The following PIEZO1 variants were observed in gnomAD, a reference collection of about 807,000 sequenced individuals.
The protein encoded by PIEZO1 is piezo type mechanosensitive ion channel component 1 (Er blood group).
PIEZO1 carries 296 observed loss-of-function variants against 297.2 expected under a neutral mutation model. The ratio of observed to expected loss-of-function variants is 1.00; its 90% CI spans 0.91 to 1.10. The LOEUF (loss-of-function observed/expected upper bound fraction) is 1.10, where lower values mean the gene tolerates loss of function less well. PIEZO1 is among the 50% of genes least tolerant of loss of function. PIEZO1 has a pLI of 0.00. For missense variants in PIEZO1, 5,018 were observed against 3,455.5 expected (o/e 1.45, Z -11.34); for synonymous variants, 2,427 against 1,507.5 (o/e 1.61, Z -14.13).
rs1270501557 is a variant in PIEZO1 at position 88,726,780 on chromosome 16, G to A, written c.3634C>T (p.Leu1212Phe). 1 of 1,550,262 alleles carries A rather than the reference G, an allele frequency of 6.5e-7. No individual in the cohort carries two copies. The highest frequency in any genetic ancestry group is 1.2e-5 in the South Asian group (1 of 84,064). ...ALLQRDTRAR[L>F]VLWDCLILYN... The stretch of plus-strand genomic sequence containing the variant: ...AGAATGAGGCAGTCCCACAGCACGA[G>A]GCGGGCCCGTGTGTCCCTCTGCAGC... Residue 1212 changes from leucine to phenylalanine, a missense_variant, in exon 25 of 51, where the codon CTC (leucine) becomes TTC (phenylalanine). Coordinates refer to ENST00000301015, the MANE Select transcript of PIEZO1 (RefSeq NM_001142864.4).
intron 1 of PIEZO1, among the ~76,000 whole-genome samples, chr16:88,768,926 G>C (rs1369047007): frequency 1.3e-5 from 2 of 152,218 alleles, no homozygotes; most frequent in Non-Finnish European, 2.9e-5. Context: ...ATGCACCTTG[G>C]CAAAGCAAGC....
chr16:88,744,641 G>A (rs1905920381), intron 2 of PIEZO1, among the ~76,000 whole-genome samples: 1 of 150,212 alleles, frequency 6.7e-6, no homozygotes, highest in Admixed American at 6.7e-5. Flanking sequence ...CTTCCCCATT[G>A]TCTTCCTCCC....
At position 88,717,049 on chromosome 16, in the gene PIEZO1, C is replaced by G; in HGVS notation, c.6634G>C (p.Val2212Leu). Residue 2212 changes from valine to leucine, a missense_variant, in exon 45 of 51, where the codon GTC becomes CTC. Coordinates refer to ENST00000301015, the MANE Select transcript of PIEZO1 (RefSeq NM_001142864.4). ...TCATAGCCGCCCAGCTTCAGGGTGA[C>G]GGTGACATCGATGGGCTGGTTGACA... ...GVVNQPIDVT[V>L]TLKLGGYEPL... is the part of the protein sequence containing the mutation. The G allele has an allele frequency of 6.4e-7, 1 of 1,550,714 alleles. No homozygotes were observed. Among genetic ancestry groups the G allele is most frequent in the East Asian group, 2.4e-5 (1 of 40,932 alleles).
At chr16:88,766,658 G>GC (rs1457488222) in intron 1 of PIEZO1, among the ~76,000 whole-genome samples, 1 of 152,188 alleles carries the variant, frequency 6.6e-6, no homozygotes, top group Non-Finnish European at 1.5e-5. Context: ...GACGCCGGGG[G>GC]CCCCCACACA....
chr16:88,745,767 A>AAAT, intron 2 of PIEZO1: 1 of 144,014 alleles, frequency 6.9e-6, no homozygotes, highest in South Asian at 2.4e-4. Flanking sequence ...AAAAAAAAAA[A>AAAT]GGGGCCGGGG....
At chr16:88,731,448 G>A (rs1334835905) in intron 22 of PIEZO1, 8 of 514,336 alleles carry the variant, frequency 1.6e-5, no homozygotes, top group Non-Finnish European at 2.8e-5. Context: ...CTTTCCTGAA[G>A]GTTTGAAATA....
chr16:88,752,941 G>T (rs571243506), intron 1 of PIEZO1, among the ~76,000 whole-genome samples: 1 of 151,756 alleles, frequency 6.6e-6, no homozygotes, highest in Non-Finnish European at 1.5e-5. Context: ...ACCAGGCAGC[G>T]GGCTTGGTCT....
At chr16:88,757,316 TGGCG>T (rs1178140976) in intron 1 of PIEZO1, among the ~76,000 whole-genome samples, 1 of 3,818 alleles carries the variant, frequency 2.6e-4, no homozygotes, top group South Asian at 8.1e-3. Flanking sequence ...GGGGCGTTGC[TGGCG>T]GGGGGGTGGG....
chr16:88,784,993 C>A lies in PIEZO1; in HGVS notation c.-29G>T. On this transcript the variant is annotated 5_prime_UTR_variant, in exon 1 of 51. Transcript: ENST00000301015. ...TGGAGGGCCCAGGGCCCGGCCCAGA[C>A]CGAGCGGACGCCGCGGCGCTATGGG... 2 of 1,227,530 alleles carry A rather than the reference C, an allele frequency of 1.6e-6. No homozygotes were observed. Among genetic ancestry groups the A allele is most frequent in the South Asian group, 3.0e-5 (1 of 33,726 alleles). 76.0% of individuals were successfully genotyped at this position (1,227,530 alleles called of 1,614,324 possible).
intron 2 of PIEZO1, among the ~76,000 whole-genome samples, chr16:88,746,771 C>A (rs553226652): frequency 6.6e-6 from 1 of 152,372 alleles, no homozygotes; most frequent in Admixed American, 6.5e-5. Flanking sequence ...CCTCCCCTGG[C>A]CTGGCTGGGC....
chr16:88,721,820 G>C lies in PIEZO1; in HGVS notation c.5202C>G (p.Ile1734Met), dbSNP rs375008898. 2 of 1,546,504 alleles carry C rather than the reference G, an allele frequency of 1.3e-6. No individual in the cohort carries two copies. The highest frequency in any genetic ancestry group is 4.9e-5 in the East Asian group (2 of 40,870). ...RPSKRFWMTAIVFTEIAVVVK... is the reference protein window; with the variant it reads ...RPSKRFWMTAMVFTEIAVVVK... The stretch of plus-strand genomic sequence containing the variant: ...GGCCTCGGCCCACCTCGGTGAAGAC[G>C]ATGGCCGTCATCCAGAAGCGCTTGC... The change falls in exon 37 of 51, where the codon ATC (isoleucine) becomes ATG (methionine). Residue 1734 changes from isoleucine to methionine, a missense_variant. Physicochemically the swap from Ile to Met is conservative, Grantham distance 10. Coordinates refer to ENST00000301015, the MANE Select transcript of PIEZO1 (RefSeq NM_001142864.4).
Position 88,726,413 on chromosome 16 carries a change from ACAGGCAG to A in PIEZO1, c.3832_3838del (p.Leu1278TrpfsTer41). The A allele has an allele frequency of 1.3e-6, 2 of 1,550,478 alleles. No individual in the cohort carries two copies. Among genetic ancestry groups the A allele is most frequent in the Non-Finnish European group, 1.7e-6 (2 of 1,146,900 alleles). ...GTCCCAGATGATGCCAGCCTCCTCCACAGGCAGCAGGCAGTCCTGGTCTCTGTCCATC... is the reference window on the plus strand; with the variant it reads ...GTCCCAGATGATGCCAGCCTCCTCCACAGGCAGTCCTGGTCTCTGTCCATC... On this transcript the variant is annotated frameshift_variant, in exon 27 of 51. Coordinates refer to ENST00000301015, the MANE Select transcript of PIEZO1 (RefSeq NM_001142864.4). LOFTEE classifies it high-confidence loss of function.
At position 88,722,011 on chromosome 16, in the gene PIEZO1, G is replaced by A. The variant is rs771035950; in HGVS notation, c.5011C>T (p.Arg1671Trp). Residue 1671 changes from arginine (R) to tryptophan (W), a missense_variant, in exon 37 of 51, where the codon CGG becomes TGG. By Grantham distance (101) the Arg-to-Trp change is moderately radical (BLOSUM62 -3). Coordinates refer to ENST00000301015, the MANE Select transcript of PIEZO1 (RefSeq NM_001142864.4). ...ACGGCCCGCAGCAGCCGCAGCGCCC[G>A]GCCCTGCCCCTCCGCAAACAGCTCT... The part of the protein sequence containing the change: ...EAELFAEGQG[R>W]ALRLLRAVYQ... 32 of 1,548,656 alleles carry A rather than the reference G, an allele frequency of 2.1e-5. No homozygotes were observed. The highest frequency in any genetic ancestry group is 4.9e-5 in the East Asian group (2 of 40,920).
chr16:88,715,847 C>T lies in PIEZO1; in HGVS notation c.7324G>A (p.Gly2442Arg), dbSNP rs1911973900. The stretch of plus-strand genomic sequence containing the variant: ...ACCAGCACGATGGACACGTACAGCC[C>T]CATGATGCTGCGGGGGAAGCTGGTG... Reference protein sequence around the residue: ...LGFLAGYGIMGLYVSIVLVIG... With the variant: ...LGFLAGYGIMRLYVSIVLVIG... The change falls in exon 51 of 51, where the codon GGG (glycine) becomes AGG (arginine). Residue 2442 changes from glycine (G) to arginine (R), a missense_variant. Transcript: ENST00000301015. 1 of 1,549,830 alleles carries T rather than the reference C, an allele frequency of 6.5e-7. No individual in the cohort carries two copies. The highest frequency in any genetic ancestry group is 8.7e-7 in the Non-Finnish European group (1 of 1,146,624).
chr16:88,727,745 A>G (rs749433507), intron 22 of PIEZO1, 84 bp from the exon 23 acceptor site: 2 of 608,818 alleles, frequency 3.3e-6, no homozygotes, highest in Non-Finnish European at 5.5e-6. Flanking sequence ...ACCCGAGTCT[A>G]TCACCAGCCC....
In PIEZO1 at chr16:88,742,352, G is replaced by T. The variant is rs768035394; in HGVS notation, c.231C>A (p.Leu77=). 14 of 1,535,378 alleles carry T rather than the reference G, an allele frequency of 9.1e-6. No individual in the cohort carries two copies. The South Asian group carries it at 1.5e-4, about 17-fold the overall frequency. ...GGGGCACAATATGCAGGCAGATCTG[G>T]AGGGCGAGATGGGCCACCAGGAAGA... is the stretch of plus-strand genomic sequence containing the variant. The part of the protein sequence containing the change: ...SLLFLVAHLA[L]QICLHIVPRL... Residue 77 remains leucine, a synonymous_variant, in exon 3 of 51, where the codon CTC becomes CTA. Coordinates refer to ENST00000301015, the MANE Select transcript of PIEZO1 (RefSeq NM_001142864.4).
intron 2 of PIEZO1, among the ~76,000 whole-genome samples, chr16:88,746,179 G>A (rs973716250): frequency 6.6e-6 from 1 of 152,174 alleles, no homozygotes; most frequent in Admixed American, 6.5e-5. Flanking sequence ...GTAGGGCCAC[G>A]AGAGGGGCCT....
chr16:88,760,860 T>C (rs1181998223), intron 1 of PIEZO1, among the ~76,000 whole-genome samples: 1 of 152,226 alleles, frequency 6.6e-6, no homozygotes, highest in Non-Finnish European at 1.5e-5. Flanking sequence ...ACCATTTAAT[T>C]AGCTCGGTGT....
At chr16:88,732,017 T>A in intron 21 of PIEZO1, 107 bp from the exon 22 acceptor site, 1 of 17,162 alleles carries the variant, frequency 5.8e-5, no homozygotes, top group Non-Finnish European at 9.8e-5. Flanking sequence ...GCCTGGAGGC[T>A]GCGGGCATCA....
Sources: gnomAD v4.1 joint callset for allele counts (sites outside exome capture counted in the v4.1 genomes callset) on GRCh38, gnomAD v4.1.1 for gene constraint, MANE v1.5 for transcripts, NCBI Gene and HGNC (gene_info 2026-07-23, HGNC 2026-07-21) for gene names.